Variants in WDR70 observed in about 807,000 individuals in gnomAD.
WDR70 encodes WD repeat domain 70, also known as WD repeat-containing protein 70.
In WDR70, 53 loss-of-function variants were observed where a neutral mutation model predicts 88.6. That is an observed-to-expected ratio of 0.60 (90% confidence interval 0.48 to 0.75). WDR70 has a LOEUF of 0.75. Among genes scored for constraint, WDR70 ranks in the 30% least tolerant of loss-of-function variants. The pLI, the probability that WDR70 is intolerant of heterozygous loss-of-function variation, is 0.00. For missense variants in WDR70, 610 were observed against 823.2 expected (o/e 0.74, Z 3.17); for synonymous variants, 280 against 270.0 (o/e 1.04, Z -0.36).
At chr5:37,479,064 G>A (rs1739574233) in intron 7 of WDR70, among the ~76,000 whole-genome samples, 1 of 152,186 alleles carries the variant, frequency 6.6e-6, no homozygotes, top group Non-Finnish European at 1.5e-5. Flanking sequence ...AGGAGACTGG[G>A]AGAGATGAGA....
intron 2 of WDR70, 128 bp downstream of exon 2, chr5:37,379,682 A>G: frequency 3.0e-6 from 3 of 992,344 alleles, no homozygotes; most frequent in South Asian, 2.8e-5. Flanking sequence ...GCAGTTTGTC[A>G]ATATTCTTCT....
At chr5:37,554,678 GCACACACA>G (rs3068425) in intron 9 of WDR70, among the ~76,000 whole-genome samples, 28 of 147,766 alleles carry the variant, frequency 1.9e-4, no homozygotes, top group African/African-American at 6.2e-4. Context: ...GCACCTGCAC[GCACACACA>G]CACACACACA....
chr5:37,411,025 G>A (rs1204999870), intron 5 of WDR70, among the ~76,000 whole-genome samples: 1 of 152,174 alleles, frequency 6.6e-6, no homozygotes, highest in Non-Finnish European at 1.5e-5. Context: ...GAACCTACCT[G>A]GCAAATGAAT....
chr5:37,438,908 G>GTT lies in WDR70; in HGVS notation c.552+937_552+938dup, dbSNP rs5867350. On this transcript the variant is annotated intron_variant, in intron 6 of 17. Transcript: ENST00000265107. ...CAAAACCTCTTTGGAGTCCTCATTCGTTTTTTTTTTTGTTTTGTTTTGTTT... is the reference window on the plus strand; with the variant it reads ...CAAAACCTCTTTGGAGTCCTCATTCGTTTTTTTTTTTTTGTTTTGTTTTGTTT... Among the ~76,000 whole-genome samples, 513 of 146,066 alleles carry GTT rather than the reference G, an allele frequency of 3.5e-3. 4 individuals are homozygous for GTT. Among genetic ancestry groups the GTT allele is most frequent in the African/African-American group, 5.2e-3 (207 of 39,958 alleles).
intron 13 of WDR70, among the ~76,000 whole-genome samples, chr5:37,709,843 A>G (rs1287300034): frequency 1.3e-5 from 2 of 151,440 alleles, no homozygotes; most frequent in African/African-American, 4.9e-5. Context: ...CACCTTGAAA[A>G]ACTTAAATCT....
At chr5:37,417,583 G>T (rs191555061) in intron 5 of WDR70, among the ~76,000 whole-genome samples, 5 of 148,872 alleles carry the variant, frequency 3.4e-5, no homozygotes, top group Non-Finnish European at 5.9e-5. Flanking sequence ...CTGTTGCCCA[G>T]CCTGGAGTGC....
At chr5:37,467,455 C>T (rs921904758) in intron 7 of WDR70, among the ~76,000 whole-genome samples, 24 of 151,832 alleles carry the variant, frequency 1.6e-4, no homozygotes, top group African/African-American at 4.6e-4. Context: ...ATTCTCATGA[C>T]CTCATCTAAA....
At chr5:37,635,818 G>A (rs1744946644) in intron 10 of WDR70, among the ~76,000 whole-genome samples, 2 of 152,150 alleles carry the variant, frequency 1.3e-5, no homozygotes, top group African/African-American at 4.8e-5. Context: ...ATCCCCATGT[G>A]TCATGGGAGG....
chr5:37,642,106 AC>A (rs1340619353), intron 10 of WDR70, among the ~76,000 whole-genome samples: 2 of 152,134 alleles, frequency 1.3e-5, no homozygotes, highest in Non-Finnish European at 2.9e-5. Flanking sequence ...TCCTACACTT[AC>A]GCAAGTTTAA....
rs372411895 is a variant in WDR70, at chr5:37,727,653, G to A, written c.1877+608G>A. Among the ~76,000 whole-genome samples the A allele has an allele frequency of 3.0e-4, 46 of 152,172 alleles. 2 individuals carry two copies. The South Asian group carries it at 9.1e-3, about 30-fold the overall frequency. ...TACAGTGGCATGATCATAGCTCACC[G>A]TAACCTCAAACTCCTGGGCTCAAAG... On this transcript the variant is annotated intron_variant, in intron 17 of 17. Coordinates refer to ENST00000265107, the MANE Select transcript of WDR70 (RefSeq NM_018034.4).
chr5:37,619,945 G>T (rs1744459931), intron 10 of WDR70: 1 of 105,252 alleles, frequency 9.5e-6, no homozygotes, highest in African/African-American at 3.6e-5. Flanking sequence ...TTTTAGCACA[G>T]ATTCAAACCG....
chr5:37,676,985 T>G (rs916828236), intron 10 of WDR70, among the ~76,000 whole-genome samples: 57 of 152,320 alleles, frequency 3.7e-4, no homozygotes, highest in African/African-American at 1.3e-3. Flanking sequence ...GTCGAGGAAT[T>G]TATCCATTTC....
At chr5:37,596,508 C>G (rs929568372) in intron 9 of WDR70, among the ~76,000 whole-genome samples, 1 of 152,132 alleles carries the variant, frequency 6.6e-6, no homozygotes, top group Non-Finnish European at 1.5e-5. Context: ...AAGAAGGTTA[C>G]AGACCCTTTT....
chr5:37,587,067 C>A (rs974127270), intron 9 of WDR70, among the ~76,000 whole-genome samples: 2 of 152,154 alleles, frequency 1.3e-5, no homozygotes, highest in East Asian at 3.9e-4. Context: ...TTAGAACAGG[C>A]CTTTATCATC....
At chr5:37,463,409 C>T (rs898121909) in intron 7 of WDR70, among the ~76,000 whole-genome samples, 1 of 152,158 alleles carries the variant, frequency 6.6e-6, no homozygotes, top group African/African-American at 2.4e-5. Flanking sequence ...CAGCAGGACA[C>T]CTTGGCTCCT....
At chr5:37,736,888 C>G (rs1748320756) in intron 17 of WDR70, among the ~76,000 whole-genome samples, 2 of 151,892 alleles carry the variant, frequency 1.3e-5, no homozygotes, top group Admixed American at 1.3e-4. Flanking sequence ...ATTATGAAAA[C>G]AAGCAACAAA....
chr5:37,387,999 G>A (rs7714241), intron 3 of WDR70, among the ~76,000 whole-genome samples: 69 of 152,000 alleles, frequency 4.5e-4, no homozygotes, highest in Non-Finnish European at 7.5e-4. Context: ...GATGAATTAC[G>A]GTAAAACCCC....
intron 10 of WDR70, among the ~76,000 whole-genome samples, chr5:37,618,684 A>C (rs558911586): frequency 6.6e-6 from 1 of 152,344 alleles, no homozygotes; most frequent in African/African-American, 2.4e-5. Flanking sequence ...TGGATATATC[A>C]GATCAAATAG....
chr5:37,534,932 C>A (rs1386679299), intron 9 of WDR70, among the ~76,000 whole-genome samples: 1 of 151,558 alleles, frequency 6.6e-6, no homozygotes, highest in Admixed American at 6.6e-5. Context: ...TTTTTTCTCA[C>A]CTCAGAGTGT....
Sources: gnomAD v4.1 joint callset for allele counts (sites outside exome capture counted in the v4.1 genomes callset) on GRCh38, gnomAD v4.1.1 for gene constraint, MANE v1.5 for transcripts, NCBI Gene and HGNC (gene_info 2026-07-23, HGNC 2026-07-21) for gene names.